The following SUSD5 variants were observed in gnomAD, a reference collection of about 807,000 sequenced individuals.
The protein encoded by SUSD5 is sushi domain-containing protein 5.
A neutral mutation model predicts 29.5 loss-of-function variants in SUSD5; 33 were observed. That is an observed-to-expected ratio of 1.12 (90% CI 0.85 to 1.49). The LOEUF (loss-of-function observed/expected upper bound fraction) is 1.49, where lower values mean the gene tolerates loss of function less well. SUSD5 is among the 40% of genes most tolerant of loss of function. The pLI is 0.00. For missense variants in SUSD5, 776 were observed against 800.6 expected, an observed-to-expected ratio of 0.97 and a Z score of 0.37; for synonymous variants, 308 against 325.3, an observed-to-expected ratio of 0.95 and a Z score of 0.57.
At chr3:33,184,912 T>C (rs1446773017) in intron 3 of SUSD5, among the ~76,000 whole-genome samples, 1 of 152,268 alleles carries the variant, frequency 6.6e-6, no homozygotes, top group Non-Finnish European at 1.5e-5. Flanking sequence ...CTAGCTCTGA[T>C]GCTTGTTTTC....
chr3:33,159,590 C>T (rs2031130318), intron 4 of SUSD5, among the ~76,000 whole-genome samples: 1 of 152,234 alleles, frequency 6.6e-6, no homozygotes, highest in Non-Finnish European at 1.5e-5. Context: ...GCCTTATGAG[C>T]AGGGTGCATT....
chr3:33,203,140 G>T (rs1489059687), intron 3 of SUSD5, among the ~76,000 whole-genome samples: 8 of 152,196 alleles, frequency 5.3e-5, no homozygotes, highest in Non-Finnish European at 1.0e-4. Flanking sequence ...TAAGCAAACA[G>T]ATTTCCCTTG....
At chr3:33,156,057 T>G (rs934706064) in intron 4 of SUSD5, among the ~76,000 whole-genome samples, 1 of 152,102 alleles carries the variant, frequency 6.6e-6, no homozygotes, top group African/African-American at 2.4e-5. Context: ...TTTTTTTTTT[T>G]TGAGAGAGAG....
At position 33,174,969 on chromosome 3, in the gene SUSD5, A is replaced by G; in HGVS notation, c.515T>C (p.Ile172Thr). The G allele has an allele frequency of 6.2e-7, 1 of 1,613,958 alleles. No individual in the cohort carries two copies. The highest frequency in any genetic ancestry group is 2.2e-5 in the East Asian group (1 of 44,870). Residue 172 changes from isoleucine to threonine, a missense_variant, in exon 4 of 5, where the codon ATC becomes ACC. Transcript: ENST00000309558. ...GAAGGCGGTCTCCCGGTGGCCCATG[A>G]TGTGGCCTGGGGCACACACGTACAG... ...ELLYVCAPGH[I>T]MGHRETAFTL...
chr3:33,218,601 C>G (rs2032467443), intron 1 of SUSD5, 85 bp downstream of exon 1: 1 of 1,161,826 alleles, frequency 8.6e-7, no homozygotes, highest in South Asian at 3.2e-5. Context: ...CCGGGCCGGT[C>G]AGAGGGAGCA....
chr3:33,185,295 G>A (rs1307601456), intron 3 of SUSD5, among the ~76,000 whole-genome samples: 2 of 152,164 alleles, frequency 1.3e-5, no homozygotes, highest in Non-Finnish European at 2.9e-5. Flanking sequence ...ATTTCAAAAT[G>A]GTTCTTTTTC....
chr3:33,207,074 C>T (rs762364994), intron 3 of SUSD5, among the ~76,000 whole-genome samples: 2 of 152,200 alleles, frequency 1.3e-5, no homozygotes, highest in African/African-American at 2.4e-5. Context: ...TTGGTGCATA[C>T]AAAATGCTGC....
chr3:33,165,153 A>G (rs190056932), intron 4 of SUSD5, among the ~76,000 whole-genome samples: 10 of 152,354 alleles, frequency 6.6e-5, no homozygotes, highest in Non-Finnish European at 1.2e-4. Context: ...ATGAAAAATA[A>G]TCCTAACAGT....
Position 33,154,023 on chromosome 3 carries a change from C to T in SUSD5, c.609G>A (p.Glu203=). 6.3e-7 allele frequency: 1 copy of T among 1,587,548 alleles called. No individual in the cohort carries two copies. Among genetic ancestry groups the T allele is most frequent in the Non-Finnish European group, 8.6e-7 (1 of 1,169,294 alleles). ...LVQACGKDEA[E]AHIDYEDNFP... is the part of the protein sequence containing the mutation. ...AGTTATCTTCATAGTCAATGTGTGC[C>T]TCAGCCTCATCTGGAAGAAAAGAGG... The change falls in exon 5 of 5, where the codon GAG becomes GAA. Residue 203 remains glutamate (E), a synonymous_variant. Coordinates refer to ENST00000309558, the MANE Select transcript of SUSD5 (RefSeq NM_015551.2).
intron 3 of SUSD5, among the ~76,000 whole-genome samples, chr3:33,195,997 T>C (rs868292543): frequency 6.6e-6 from 1 of 152,314 alleles, no homozygotes; most frequent in Middle Eastern, 3.4e-3. Context: ...GTTACTAGAA[T>C]TAAACGAACA....
chr3:33,171,291 G>T (rs7648848), intron 4 of SUSD5, among the ~76,000 whole-genome samples: 50,749 of 151,722 alleles, frequency 0.33, 8,987 homozygotes, highest in Middle Eastern at 0.4. Context: ...AGGTTGCGGT[G>T]AGCCGAGATC....
chr3:33,191,760 A>G (rs1226470776), intron 3 of SUSD5, among the ~76,000 whole-genome samples: 1 of 152,040 alleles, frequency 6.6e-6, no homozygotes, highest in East Asian at 1.9e-4. Context: ...AGCTTGGGCA[A>G]TATAGCGAGA....
chr3:33,151,544 ATTTCT>A lies in SUSD5; in HGVS notation c.*1193_*1197del, dbSNP rs773129301. 1 of 151,362 alleles carries A rather than the reference ATTTCT, an allele frequency of 6.6e-6. No homozygotes were observed. The highest frequency in any genetic ancestry group is 6.6e-5 in the Admixed American group (1 of 15,202). 9.4% of individuals were successfully genotyped at this position (151,362 alleles called of 1,614,324 possible). On this transcript the variant is annotated 3_prime_UTR_variant, in exon 5 of 5. Transcript: ENST00000309558. ...ACCTGGTGTTCGGCCCTCTGAAAAC[ATTTCT>A]TTTTTTTTTCTCCCGTGTCATTCTC...
rs774652014 is a variant in SUSD5, at chr3:33,153,876, G to A, written c.756C>T (p.Ser252=). 1 of 1,613,898 alleles carries A rather than the reference G, an allele frequency of 6.2e-7. No individual in the cohort carries two copies. The highest frequency in any genetic ancestry group is 1.3e-5 in the African/African-American group (1 of 74,926). Residue 252 remains serine, a synonymous_variant, in exon 5 of 5, where the codon TCC becomes TCT. Transcript: ENST00000309558. ...EEAPKQDRLV[S]ISVGRENIAR... ...CTATGTTTTCTCTCCCCACAGAAAT[G>A]GAGACCAGACGGTCCTGTTTTGGAG... is the stretch of plus-strand genomic sequence containing the variant.
intron 4 of SUSD5, among the ~76,000 whole-genome samples, chr3:33,158,258 A>G (rs1414434214): frequency 6.6e-6 from 1 of 152,210 alleles, no homozygotes; most frequent in Non-Finnish European, 1.5e-5. Context: ...TTGTACCCAT[A>G]GTCTCTCATA....
rs1220809663 is a variant in SUSD5, at chr3:33,151,439, A to T, written c.*1303T>A. On this transcript the variant is annotated 3_prime_UTR_variant, in exon 5 of 5. Transcript: ENST00000309558. The stretch of plus-strand genomic sequence containing the variant: ...ACAGAGCTCCCAGTTTCCACACTAG[A>T]GAACAGATCAGCACAGATCATTTCA... The T allele has an allele frequency of 6.6e-6, 1 of 152,242 alleles. No homozygotes were observed. The highest frequency in any genetic ancestry group is 1.5e-5 in the Non-Finnish European group (1 of 68,058). The allele number at this position is 152,242 out of a possible 1,614,324, so 9.4% of individuals were successfully genotyped here. A position where few individuals can be genotyped will look rare whatever the true frequency, so the allele number is the denominator to read the frequency against.
intron 1 of SUSD5, among the ~76,000 whole-genome samples, chr3:33,214,761 A>G (rs556524000): frequency 6.6e-6 from 1 of 152,092 alleles, no homozygotes; most frequent in African/African-American, 2.4e-5. Flanking sequence ...CAGAGGTGAA[A>G]GCCCAGGCTG....
In SUSD5 at chr3:33,151,031, C is replaced by T. The variant is rs2030862794; in HGVS notation, c.*1711G>A. On this transcript the variant is annotated 3_prime_UTR_variant, in exon 5 of 5. Transcript: ENST00000309558. ...GGCATTTAGGCAGCTTCAAATGCCA[C>T]CTCAGCTGCACACAGCCATGCCTGA... 6.6e-6 allele frequency: 1 copy of T among 152,260 alleles called. No homozygotes were observed. Among genetic ancestry groups the T allele is most frequent in the African/African-American group, 2.4e-5 (1 of 41,448 alleles). 9.4% of individuals were successfully genotyped at this position (152,260 alleles called of 1,614,324 possible).
Position 33,153,855 on chromosome 3 carries a change from G to A in SUSD5, c.777C>T (p.Asn259=). The change falls in exon 5 of 5, where the codon AAC becomes AAT. Residue 259 remains asparagine, a synonymous_variant. Coordinates refer to ENST00000309558, the MANE Select transcript of SUSD5 (RefSeq NM_015551.2). ...GCACAAAGACTTTATCCCGGGCTAT[G>A]TTTTCTCTCCCCACAGAAATGGAGA... is the stretch of plus-strand genomic sequence containing the variant. ...RLVSISVGRE[N]IARDKVFVPT... 2 of 1,613,976 alleles carry A rather than the reference G, an allele frequency of 1.2e-6. No individual in the cohort carries two copies. Among genetic ancestry groups the A allele is most frequent in the Non-Finnish European group, 8.5e-7 (1 of 1,179,886 alleles).
Sources: allele counts gnomAD v4.1 joint callset (sites outside exome capture counted in the v4.1 genomes callset), GRCh38; gene constraint gnomAD v4.1.1; transcripts MANE v1.5; gene names NCBI Gene and HGNC (gene_info 2026-07-23, HGNC 2026-07-21).